The following SBF2 variants were observed in gnomAD, a reference collection of about 807,000 sequenced individuals.
SBF2 encodes the protein SET binding factor 2.
Under a neutral mutation model 225.2 loss-of-function variants are expected in SBF2, and 112 were observed. The ratio of observed to expected loss-of-function variants is 0.50; its 90% confidence interval spans 0.43 to 0.58. The LOEUF (loss-of-function observed/expected upper bound fraction) is 0.58, where lower values mean the gene tolerates loss of function less well. Among genes scored for constraint, SBF2 ranks in the 20% least tolerant of loss-of-function variants. The pLI is 0.00. For missense variants in SBF2, 1,996 were observed against 2,206.2 expected, an observed-to-expected ratio of 0.90 and a Z score of 1.91; for synonymous variants, 763 against 773.3, an observed-to-expected ratio of 0.99 and a Z score of 0.22.
At chr11:10,024,585 C>A (rs1229093563) in intron 6 of SBF2, among the ~76,000 whole-genome samples, 1 of 152,012 alleles carries the variant, frequency 6.6e-6, no homozygotes, top group Non-Finnish European at 1.5e-5. Flanking sequence ...TCTCAGCCCC[C>A]CAGACATCCA....
intron 2 of SBF2, among the ~76,000 whole-genome samples, chr11:10,114,951 T>TC: frequency 6.6e-6 from 1 of 152,358 alleles, no homozygotes. Context: ...GAAACCCATC[T>TC]ACAGGGCAGT....
At chr11:10,137,783 G>A (rs144078078) in intron 2 of SBF2, among the ~76,000 whole-genome samples, 2 of 152,196 alleles carry the variant, frequency 1.3e-5, no homozygotes, top group East Asian at 3.9e-4. Context: ...GAGGTGGGTG[G>A]ATCACCTGTG....
At chr11:10,109,011 T>G (rs1384507906) in intron 2 of SBF2, among the ~76,000 whole-genome samples, 1 of 151,910 alleles carries the variant, frequency 6.6e-6, no homozygotes, top group African/African-American at 2.4e-5. Flanking sequence ...AGGAAAAGAG[T>G]AGGAACCTCC....
intron 6 of SBF2, among the ~76,000 whole-genome samples, chr11:10,012,567 T>C (rs1387616584): frequency 1.3e-5 from 2 of 152,220 alleles, no homozygotes; most frequent in Admixed American, 6.5e-5. Context: ...TCTTTCAATA[T>C]GGCTACCATT....
At chr11:10,034,900 G>T (rs1362311530) in intron 3 of SBF2, among the ~76,000 whole-genome samples, 1 of 152,112 alleles carries the variant, frequency 6.6e-6, no homozygotes, top group Non-Finnish European at 1.5e-5. Context: ...TTTTAATCAA[G>T]TTGACATGTC....
At chr11:10,169,012 C>T (rs1395846314) in intron 2 of SBF2, among the ~76,000 whole-genome samples, 1 of 152,068 alleles carries the variant, frequency 6.6e-6, no homozygotes, top group Non-Finnish European at 1.5e-5. Flanking sequence ...GAGAAAAATA[C>T]TGAAGCTGTT....
intron 3 of SBF2, among the ~76,000 whole-genome samples, chr11:10,035,013 T>C (rs1277747574): frequency 6.6e-6 from 1 of 152,186 alleles, no homozygotes; most frequent in Non-Finnish European, 1.5e-5. Flanking sequence ...ACTAGGCCTC[T>C]AGTCTTCAGT....
At chr11:9,871,695 G>C (rs941426389) in intron 17 of SBF2, among the ~76,000 whole-genome samples, 1 of 152,004 alleles carries the variant, frequency 6.6e-6, no homozygotes, top group African/African-American at 2.4e-5. Context: ...GTTTCACCGT[G>C]TTAGCCAGGA....
intron 1 of SBF2, among the ~76,000 whole-genome samples, chr11:10,226,497 A>C: frequency 9.5e-6 from 1 of 105,428 alleles, no homozygotes. Flanking sequence ...ACCCCACAAC[A>C]GGCCCGGGTG....
intron 1 of SBF2, among the ~76,000 whole-genome samples, chr11:10,265,927 C>T (rs1961945865): frequency 6.6e-6 from 1 of 151,998 alleles, no homozygotes; most frequent in Non-Finnish European, 1.5e-5. Flanking sequence ...ATTTTGTTGC[C>T]CAGGCTGGTT....
At chr11:10,205,914 G>A (rs1957736008) in intron 1 of SBF2, among the ~76,000 whole-genome samples, 1 of 151,894 alleles carries the variant, frequency 6.6e-6, no homozygotes, top group Non-Finnish European at 1.5e-5. Context: ...CAGACATTTT[G>A]TTTCTATGGG....
At chr11:9,922,177 T>C (rs1181480323) in intron 16 of SBF2, among the ~76,000 whole-genome samples, 2 of 151,778 alleles carry the variant, frequency 1.3e-5, no homozygotes, top group South Asian at 2.1e-4. Context: ...GCCCAGGAGA[T>C]GGAGGCTGCA....
At chr11:10,232,858 A>G (rs1958913361) in intron 1 of SBF2, among the ~76,000 whole-genome samples, 1 of 152,230 alleles carries the variant, frequency 6.6e-6, no homozygotes, top group Non-Finnish European at 1.5e-5. Flanking sequence ...TTACTTCTAT[A>G]ACAGCAAGGA....
chr11:10,131,815 T>C (rs1565265696), intron 2 of SBF2, among the ~76,000 whole-genome samples: 1 of 152,196 alleles, frequency 6.6e-6, no homozygotes, highest in African/African-American at 2.4e-5. Flanking sequence ...TCCTAGTCTT[T>C]TCATTCTCAT....
At chr11:10,011,382 A>G (rs1465431285) in intron 6 of SBF2, among the ~76,000 whole-genome samples, 1 of 152,144 alleles carries the variant, frequency 6.6e-6, no homozygotes, top group East Asian at 1.9e-4. Context: ...GTACACCACC[A>G]CATCTGGATA....
rs573300421 is a variant in SBF2 at position 9,866,457 on chromosome 11, G to A, written c.1930-8061C>T. Among the ~76,000 whole-genome samples the A allele has an allele frequency of 2.0e-5, 3 of 152,302 alleles. No individual in the cohort carries two copies. The South Asian group carries it at 6.2e-4, about 32-fold the overall frequency. ...TAGCCAACTGATTTTCCACAAAGGTGCCAAGAACAGATACTGGGGAAATAA... is the reference window on the plus strand; with the variant it reads ...TAGCCAACTGATTTTCCACAAAGGTACCAAGAACAGATACTGGGGAAATAA... On this transcript the variant is annotated intron_variant, in intron 17 of 39. Transcript: ENST00000256190.
chr11:9,791,133 T>C (rs1413795387), intron 33 of SBF2: 1 of 174,888 alleles, frequency 5.7e-6, no homozygotes, highest in Non-Finnish European at 1.2e-5. Flanking sequence ...AGTTTTCTTG[T>C]TTAGCAGTGT....
At chr11:9,962,877 G>A (rs1447532398) in intron 15 of SBF2, among the ~76,000 whole-genome samples, 1 of 152,146 alleles carries the variant, frequency 6.6e-6, no homozygotes, top group Non-Finnish European at 1.5e-5. Context: ...CAAAAGAAGT[G>A]AAAGACTTCA....
intron 1 of SBF2, among the ~76,000 whole-genome samples, chr11:10,234,016 C>G (rs1363488563): frequency 6.6e-6 from 1 of 152,312 alleles, no homozygotes. Context: ...GCATCTTCTT[C>G]CCAAAGGACC....
Sources: gnomAD v4.1 joint callset for allele counts (sites outside exome capture counted in the v4.1 genomes callset) on GRCh38, gnomAD v4.1.1 for gene constraint, MANE v1.5 for transcripts, NCBI Gene and HGNC (gene_info 2026-07-23, HGNC 2026-07-21) for gene names.